Variants in RETREG1 observed in about 807,000 individuals in gnomAD.
RETREG1 encodes reticulophagy regulator 1.
RETREG1 carries 44 observed loss-of-function variants against 54.8 expected under a neutral mutation model. The observed-to-expected ratio is 0.80, with a 90% CI of 0.63 to 1.03. RETREG1 has a LOEUF of 1.03. Among genes scored for constraint, RETREG1 ranks in the 50% least tolerant of loss-of-function variants. The pLI, the probability that RETREG1 is intolerant of heterozygous loss-of-function variation, is 0.00. For missense variants in RETREG1, 554 were observed against 605.1 expected, an observed-to-expected ratio of 0.92 and a Z score of 0.89; for synonymous variants, 217 against 238.5, an observed-to-expected ratio of 0.91 and a Z score of 0.83.
chr5:16,487,439 C>G (rs1312083270), intron 3 of RETREG1, among the ~76,000 whole-genome samples: 3 of 152,190 alleles, frequency 2.0e-5, no homozygotes, highest in African/African-American at 7.2e-5. Flanking sequence ...TTAAGAGTCA[C>G]CCCCGATGAC....
At chr5:16,522,560 G>A (rs1464041786) in intron 3 of RETREG1, among the ~76,000 whole-genome samples, 1 of 152,188 alleles carries the variant, frequency 6.6e-6, no homozygotes, top group African/African-American at 2.4e-5. Flanking sequence ...TAAAGACTCT[G>A]AGAAGAGAAA....
chr5:16,540,648 A>C (rs778986554), intron 3 of RETREG1, among the ~76,000 whole-genome samples: 1 of 152,222 alleles, frequency 6.6e-6, no homozygotes, highest in Non-Finnish European at 1.5e-5. Context: ...CACTGTGTCT[A>C]TTCCATCCTA....
chr5:16,516,291 C>T (rs1335052049), intron 3 of RETREG1, among the ~76,000 whole-genome samples: 1 of 152,160 alleles, frequency 6.6e-6, no homozygotes, highest in Non-Finnish European at 1.5e-5. Context: ...TGAGTAGGAA[C>T]TTTATATTGT....
intron 3 of RETREG1, among the ~76,000 whole-genome samples, chr5:16,553,968 G>A (rs1277197204): frequency 6.6e-6 from 1 of 152,120 alleles, no homozygotes; most frequent in Non-Finnish European, 1.5e-5. Context: ...GGACCATGAG[G>A]ATAAGATTTA....
intron 3 of RETREG1, among the ~76,000 whole-genome samples, chr5:16,503,435 G>A (rs780110587): frequency 2.6e-5 from 4 of 152,146 alleles, no homozygotes; most frequent in East Asian, 1.9e-4. Context: ...TTGGGAGCCC[G>A]AGGCGGGTGG....
chr5:16,492,737 C>T (rs1249672088), intron 3 of RETREG1, among the ~76,000 whole-genome samples: 1 of 152,090 alleles, frequency 6.6e-6, no homozygotes, highest in Non-Finnish European at 1.5e-5. Flanking sequence ...CCTGTGGATA[C>T]TTATTATGTT....
At chr5:16,612,987 G>C (rs1257133421) in intron 1 of RETREG1, among the ~76,000 whole-genome samples, 1 of 151,984 alleles carries the variant, frequency 6.6e-6, no homozygotes, top group East Asian at 1.9e-4. Context: ...ATTCATCCCT[G>C]TTGTTGCTAA....
At chr5:16,513,442 G>A (rs1032117267) in intron 3 of RETREG1, among the ~76,000 whole-genome samples, 3 of 152,186 alleles carry the variant, frequency 2.0e-5, no homozygotes, top group Non-Finnish European at 2.9e-5. Flanking sequence ...CCTTGCACAC[G>A]TTTTAAACCA....
intron 3 of RETREG1, among the ~76,000 whole-genome samples, chr5:16,528,578 C>T (rs971836391): frequency 7.9e-5 from 12 of 152,130 alleles, no homozygotes; most frequent in Non-Finnish European, 1.2e-4. Flanking sequence ...CAGGTGATAG[C>T]AGGGGGTTCT....
At chr5:16,576,764 G>A (rs114376408) in intron 1 of RETREG1, among the ~76,000 whole-genome samples, 12,800 of 152,106 alleles carry the variant, frequency 0.084, 582 homozygotes, top group Non-Finnish European at 0.095. Flanking sequence ...TTACAGGCAC[G>A]AGCCACCGCG....
chr5:16,474,637 A>T lies in RETREG1; in HGVS notation c.*104T>A, dbSNP rs1021919145. 4 of 1,404,910 alleles carry T rather than the reference A, an allele frequency of 2.8e-6. No homozygotes were observed. The highest frequency in any genetic ancestry group is 3.9e-6 in the Non-Finnish European group (4 of 1,028,022). The allele number at this position is 1,404,910 out of a possible 1,614,324, so 87.0% of individuals were successfully genotyped here. A position where few individuals can be genotyped will look rare whatever the true frequency, so the allele number is the denominator to read the frequency against. The stretch of plus-strand genomic sequence containing the variant: ...AAAATAAAACAAATCTAAAGTAATC[A>T]TTAAAGCTTACAGTTCAATTTTTTT... On this transcript the variant is annotated 3_prime_UTR_variant, in exon 9 of 9. Coordinates refer to ENST00000306320, the MANE Select transcript of RETREG1 (RefSeq NM_001034850.3).
chr5:16,609,847 G>A (rs932896426), intron 1 of RETREG1, among the ~76,000 whole-genome samples: 3 of 152,156 alleles, frequency 2.0e-5, no homozygotes, highest in African/African-American at 4.8e-5. Flanking sequence ...AGTGAGTGCC[G>A]CCCAGCAATG....
At chr5:16,559,033 A>G (rs1034142156) in intron 3 of RETREG1, among the ~76,000 whole-genome samples, 9 of 152,194 alleles carry the variant, frequency 5.9e-5, no homozygotes, top group Non-Finnish European at 1.2e-4. Context: ...AAATGCTCCA[A>G]TTTGTTCTGG....
At chr5:16,586,796 T>G (rs947986226) in intron 1 of RETREG1, among the ~76,000 whole-genome samples, 2 of 152,180 alleles carry the variant, frequency 1.3e-5, no homozygotes, top group African/African-American at 4.8e-5. Context: ...ACAGGCAGGG[T>G]GGCTTATAAA....
At chr5:16,611,898 C>T (rs562529837) in intron 1 of RETREG1, among the ~76,000 whole-genome samples, 3 of 152,166 alleles carry the variant, frequency 2.0e-5, no homozygotes, top group East Asian at 3.9e-4. Context: ...AACCCTGTCA[C>T]CACTAAAAAT....
At chr5:16,543,022 G>A (rs1200306954) in intron 3 of RETREG1, among the ~76,000 whole-genome samples, 1 of 152,108 alleles carries the variant, frequency 6.6e-6, no homozygotes, top group East Asian at 1.9e-4. Context: ...AGACAAGAAC[G>A]GGTCTGCTTT....
chr5:16,536,039 G>A (rs545628676), intron 3 of RETREG1, among the ~76,000 whole-genome samples: 1 of 152,248 alleles, frequency 6.6e-6, no homozygotes, highest in African/African-American at 2.4e-5. Context: ...GGGAGCTGGA[G>A]CTACTGTGTG....
chr5:16,554,822 A>G (rs2617425), intron 3 of RETREG1, among the ~76,000 whole-genome samples: 125,034 of 152,196 alleles, frequency 0.82, 51,362 homozygotes, highest in Middle Eastern at 0.87. Context: ...ACAAAATAAA[A>G]CAAAACTTAC....
intron 1 of RETREG1, 66 bp downstream of exon 1, chr5:16,616,586 C>T (rs1743515773): frequency 2.0e-6 from 3 of 1,536,174 alleles, no homozygotes; most frequent in Admixed American, 3.9e-5. Context: ...CACTGGGTCC[C>T]CGGGGCCCCG....
Sources: allele counts gnomAD v4.1 joint callset (sites outside exome capture counted in the v4.1 genomes callset), GRCh38; gene constraint gnomAD v4.1.1; transcripts MANE v1.5; gene names NCBI Gene and HGNC (gene_info 2026-07-23, HGNC 2026-07-21).